The following RHBDL2 variants were observed in gnomAD, a reference collection of about 807,000 sequenced individuals.
RHBDL2 encodes the protein rhomboid like 2, also known as rhomboid-related protein 2.
In RHBDL2, 26 loss-of-function variants were observed where a neutral mutation model predicts 31.7. The ratio of observed to expected loss-of-function variants is 0.82; its 90% confidence interval spans 0.60 to 1.14. The LOEUF is 1.14. Among genes scored for constraint, RHBDL2 ranks in the 50% most tolerant of loss-of-function variants. The pLI, the probability that RHBDL2 is intolerant of heterozygous loss-of-function variation, is 0.00. For missense variants in RHBDL2, 336 were observed against 364.4 expected, an observed-to-expected ratio of 0.92 and a Z score of 0.63; for synonymous variants, 123 against 127.2, an observed-to-expected ratio of 0.97 and a Z score of 0.22.
intron 2 of RHBDL2, among the ~76,000 whole-genome samples, chr1:38,917,017 CTTTT>C (rs547654933): frequency 1.7e-5 from 2 of 119,896 alleles, no homozygotes; most frequent in East Asian, 2.4e-4. Context: ...CAGGAACTTT[CTTTT>C]TTTTTTTTTT....
chr1:38,892,269 T>C (rs551538397), intron 6 of RHBDL2, among the ~76,000 whole-genome samples: 4 of 152,280 alleles, frequency 2.6e-5, no homozygotes, highest in Admixed American at 1.3e-4. Context: ...TTTTTTAATC[T>C]GAAAATTTAG....
At chr1:38,925,147 C>T (rs944527136) in intron 1 of RHBDL2, among the ~76,000 whole-genome samples, 2 of 152,046 alleles carry the variant, frequency 1.3e-5, no homozygotes, top group East Asian at 3.8e-4. Context: ...TTTTTCCAGA[C>T]CTTTCAGATG....
chr1:38,925,079 C>A (rs1251228280), intron 1 of RHBDL2, among the ~76,000 whole-genome samples: 1 of 151,930 alleles, frequency 6.6e-6, no homozygotes, highest in Non-Finnish European at 1.5e-5. Context: ...CCATGCCCAG[C>A]CGAAAAGAGA....
At chr1:38,889,617 C>T (rs971365138) in intron 6 of RHBDL2, among the ~76,000 whole-genome samples, 1 of 152,132 alleles carries the variant, frequency 6.6e-6, no homozygotes, top group Non-Finnish European at 1.5e-5. Flanking sequence ...AGGTGTCAGG[C>T]CATGAAAGGA....
chr1:38,893,127 A>C (rs188375668), intron 6 of RHBDL2, 37 bp downstream of exon 6: 932 of 1,215,836 alleles, frequency 7.7e-4, no homozygotes, highest in Non-Finnish European at 9.7e-4. Context: ...TTTTATTTTC[A>C]CTTGGACAGT....
chr1:38,929,084 A>AAAT (rs1221769507), intron 1 of RHBDL2, among the ~76,000 whole-genome samples: 11 of 146,116 alleles, frequency 7.5e-5, no homozygotes, highest in African/African-American at 2.8e-4. Flanking sequence ...AAACCTAAAT[A>AAAT]AATAAAAATA....
intron 1 of RHBDL2, among the ~76,000 whole-genome samples, chr1:38,921,892 T>C (rs1192407262): frequency 4.6e-5 from 7 of 152,222 alleles, no homozygotes; most frequent in East Asian, 1.9e-4. Flanking sequence ...TAAGTTCAAT[T>C]AGGGACAGTT....
intron 1 of RHBDL2, among the ~76,000 whole-genome samples, chr1:38,920,633 G>A (rs564857757): frequency 7.1e-6 from 1 of 141,320 alleles, no homozygotes; most frequent in Non-Finnish European, 1.5e-5. Flanking sequence ...TTGAGACAGA[G>A]TCTCGCTCTG....
chr1:38,912,910 A>ATGTGTGTG (rs869081947), intron 3 of RHBDL2, among the ~76,000 whole-genome samples: 28 of 41,388 alleles, frequency 6.8e-4, no homozygotes, highest in African/African-American at 2.4e-3. Flanking sequence ...ATATATATAT[A>ATGTGTGTG]TGTGTGTGTG....
chr1:38,889,742 C>T (rs1484047488), intron 6 of RHBDL2, among the ~76,000 whole-genome samples: 1 of 152,220 alleles, frequency 6.6e-6, no homozygotes, highest in Non-Finnish European at 1.5e-5. Flanking sequence ...AAGAACTCTG[C>T]CCTATATGTG....
At chr1:38,936,401 C>T (rs1643512409) in intron 1 of RHBDL2, among the ~76,000 whole-genome samples, 1 of 151,816 alleles carries the variant, frequency 6.6e-6, no homozygotes, top group African/African-American at 2.4e-5. Flanking sequence ...CTCTGTCTCC[C>T]AGGTTCAAGC....
chr1:38,903,475 A>G (rs1643021541), intron 4 of RHBDL2, among the ~76,000 whole-genome samples: 1 of 152,294 alleles, frequency 6.6e-6, no homozygotes. Context: ...ACCCTTTCTA[A>G]TACATCAAAA....
chr1:38,896,090 G>C, intron 4 of RHBDL2, 21 bp from the exon 5 acceptor site: 1 of 1,520,856 alleles, frequency 6.6e-7, no homozygotes. Flanking sequence ...AAAACACAAA[G>C]GATCAGACAT....
At chr1:38,939,542 T>C (rs1212108255) in intron 1 of RHBDL2, among the ~76,000 whole-genome samples, 1 of 152,094 alleles carries the variant, frequency 6.6e-6, no homozygotes, top group Non-Finnish European at 1.5e-5. Context: ...CTGGGCATGA[T>C]GGTGTGCACC....
At chr1:38,888,925 C>T (rs528305806) in intron 6 of RHBDL2, among the ~76,000 whole-genome samples, 1 of 152,178 alleles carries the variant, frequency 6.6e-6, no homozygotes, top group Non-Finnish European at 1.5e-5. Context: ...TTAACAAGAC[C>T]TCCAGGTGAT....
intron 1 of RHBDL2, chr1:38,926,842 CCAAT>C (rs1643382931): frequency 6.6e-6 from 1 of 152,144 alleles, no homozygotes; most frequent in Admixed American, 6.5e-5. Context: ...CCTATCTCAA[CCAAT>C]CAATCAATAA....
intron 4 of RHBDL2, among the ~76,000 whole-genome samples, chr1:38,908,663 G>C (rs752405439): frequency 1.3e-5 from 2 of 152,146 alleles, no homozygotes; most frequent in Non-Finnish European, 2.9e-5. Flanking sequence ...CTCTGGGGGA[G>C]TATTCAGACG....
At position 38,937,700 on chromosome 1, in the gene RHBDL2, A is replaced by G. The variant is rs544425355; in HGVS notation, c.-126+3982T>C. Among the ~76,000 whole-genome samples the G allele has an allele frequency of 2.6e-5, 4 of 151,216 alleles. No individual in the cohort carries two copies. In the South Asian group the frequency reaches 8.6e-4, roughly 33 times the overall value. ...CTAGCTCTCTGGCATAAGAAAGCACAAGGTATTGCAAGTAGTATCCTTGAA... is the reference window on the plus strand; with the variant it reads ...CTAGCTCTCTGGCATAAGAAAGCACGAGGTATTGCAAGTAGTATCCTTGAA... On this transcript the variant is annotated intron_variant, in intron 1 of 7. Coordinates refer to ENST00000372990, the MANE Select transcript of RHBDL2 (RefSeq NM_017821.5).
At chr1:38,891,643 T>A (rs1642856166) in intron 6 of RHBDL2, among the ~76,000 whole-genome samples, 1 of 152,210 alleles carries the variant, frequency 6.6e-6, no homozygotes, top group Non-Finnish European at 1.5e-5. Context: ...AGAAAAAAGT[T>A]AAGAATAGTA....
Sources: gnomAD v4.1 joint callset for allele counts (sites outside exome capture counted in the v4.1 genomes callset) on GRCh38, gnomAD v4.1.1 for gene constraint, MANE v1.5 for transcripts, NCBI Gene and HGNC (gene_info 2026-07-23, HGNC 2026-07-21) for gene names.